The following ADNP2 variants were observed in gnomAD, a reference collection of about 807,000 sequenced individuals.
ADNP2 encodes the protein ADNP homeobox 2, also known as activity-dependent neuroprotector homeobox protein 2.
In ADNP2, 8 loss-of-function variants were observed where a neutral mutation model predicts 16.4. That is an observed-to-expected ratio of 0.49 (90% CI 0.29 to 0.88). The LOEUF (loss-of-function observed/expected upper bound fraction) is 0.88. ADNP2 is among the 40% of genes least tolerant of loss of function. The pLI, the probability that ADNP2 is intolerant of heterozygous loss-of-function variation, is 0.09. For synonymous variants in ADNP2, 637 were observed against 545.8 expected (o/e 1.17, Z -2.33); for missense variants, 1,397 against 1,395.1 (o/e 1.00, Z -0.02).
chr18:80,121,551 A>G (rs2052424990), intron 2 of ADNP2, among the ~76,000 whole-genome samples: 1 of 152,168 alleles, frequency 6.6e-6, no homozygotes, highest in South Asian at 2.1e-4. Context: ...AGTCCAATTT[A>G]TCTATTTTTT....
rs899984768 is a variant in ADNP2, at chr18:80,133,077, C to A, written c.109-26C>A. 3.5e-6 allele frequency: 5 copies of A among 1,441,554 alleles called. No individual in the cohort carries two copies. In the African/African-American group the frequency reaches 7.1e-5, roughly 21 times the overall value. 89.3% of individuals were successfully genotyped at this position (1,441,554 alleles called of 1,614,324 possible). A position where few individuals can be genotyped will look rare whatever the true frequency, so the allele number is the denominator to read the frequency against. ...TCTTTATCTTCTGAATTTACATAATCTCTTTTTTTTCTCCCTTTTTAAAAG... is the reference window on the plus strand; with the variant it reads ...TCTTTATCTTCTGAATTTACATAATATCTTTTTTTTCTCCCTTTTTAAAAG... On this transcript the variant is annotated intron_variant, in intron 2 of 3. Transcript: ENST00000262198.
chr18:80,138,961 T>G lies in ADNP2; in HGVS notation c.*152T>G. 3 of 604,276 alleles carry G rather than the reference T, an allele frequency of 5.0e-6. No individual in the cohort carries two copies. The highest frequency in any genetic ancestry group is 5.1e-6 in the Non-Finnish European group (2 of 391,374). 37.4% of individuals were successfully genotyped at this position (604,276 alleles called of 1,614,324 possible). A position where few individuals can be genotyped will look rare whatever the true frequency, so the allele number is the denominator to read the frequency against. ...TTACTTCAGGTGCTGGAGAGACCCC[T>G]GTTACCAGGAAGCCAGTAGTTATTT... On this transcript the variant is annotated 3_prime_UTR_variant, in exon 4 of 4. Transcript: ENST00000262198.
intron 1 of ADNP2, among the ~76,000 whole-genome samples, chr18:80,116,516 A>G (rs560164320): frequency 1.9e-4 from 28 of 150,158 alleles, no homozygotes; most frequent in African/African-American, 6.6e-4. Context: ...GAGAGTTCCA[A>G]TTTCTCCACG....
At chr18:80,129,126 T>G (rs2052479943) in intron 2 of ADNP2, among the ~76,000 whole-genome samples, 1 of 141,574 alleles carries the variant, frequency 7.1e-6, no homozygotes, top group Non-Finnish European at 1.5e-5. Context: ...TTTTTTGAGA[T>G]GGGGTCTCGC....
chr18:80,112,750 A>G (rs2052365796), intron 1 of ADNP2, among the ~76,000 whole-genome samples: 1 of 152,112 alleles, frequency 6.6e-6, no homozygotes. Context: ...CCAATCCCCA[A>G]TCACTCTGCT....
chr18:80,133,092 C>A lies in ADNP2; in HGVS notation c.109-11C>A. On this transcript the variant is annotated splice_polypyrimidine_tract_variant and intron_variant, in intron 2 of 3. Transcript: ENST00000262198. ...TTTACATAATCTCTTTTTTTTCTCC[C>A]TTTTTAAAAGGACCTTAAAGGCTTT... 6.4e-7 allele frequency: 1 copy of A among 1,560,224 alleles called. No homozygotes were observed. Among genetic ancestry groups the A allele is most frequent in the South Asian group, 1.2e-5 (1 of 85,070 alleles).
intron 1 of ADNP2, among the ~76,000 whole-genome samples, chr18:80,114,946 A>T (rs930332655): frequency 1.3e-5 from 2 of 152,134 alleles, no homozygotes; most frequent in Non-Finnish European, 2.9e-5. Context: ...GATTCTGGGC[A>T]TGATCATCCT....
Position 80,129,802 on chromosome 18 carries a change from C to T in ADNP2, c.109-3301C>T, listed in dbSNP as rs1049413914. On this transcript the variant is annotated intron_variant, in intron 2 of 3. Coordinates refer to ENST00000262198, the MANE Select transcript of ADNP2 (RefSeq NM_014913.4). Reference sequence around the variant, plus strand: ...GACTGGAATGCAATGCATTTAACACCTGTTGATGATCCTGGTCCTAGATGG... The same window carrying T: ...GACTGGAATGCAATGCATTTAACACTTGTTGATGATCCTGGTCCTAGATGG... Among the ~76,000 whole-genome samples, 3 of 152,188 alleles carry T rather than the reference C, an allele frequency of 2.0e-5. No individual in the cohort carries two copies. The South Asian group carries it at 6.2e-4, about 31-fold the overall frequency.
intron 2 of ADNP2, among the ~76,000 whole-genome samples, chr18:80,118,011 C>A (rs1018957132): frequency 6.6e-6 from 1 of 151,852 alleles, no homozygotes; most frequent in African/African-American, 2.4e-5. Flanking sequence ...TTTTTTTAAT[C>A]CTGATTTGTG....
rs367638805 is a variant in ADNP2, at chr18:80,114,499, T to C, written c.-13-3031T>C. The stretch of plus-strand genomic sequence containing the variant: ...GTATAGTACAAATAACTTTTTTCCC[T>C]GAATCACTTGAGAATAAGTTGCCAA... On this transcript the variant is annotated intron_variant, in intron 1 of 3. Transcript: ENST00000262198. Among the ~76,000 whole-genome samples, 13 of 152,300 alleles carry C rather than the reference T, an allele frequency of 8.5e-5. No homozygotes were observed. In the East Asian group the frequency reaches 2.3e-3, roughly 27 times the overall value.
rs61146869 is a variant in ADNP2, at chr18:80,116,111, A to G, written c.-13-1419A>G. On this transcript the variant is annotated intron_variant, in intron 1 of 3. Coordinates refer to ENST00000262198, the MANE Select transcript of ADNP2 (RefSeq NM_014913.4). ...TTTGCCTGTTCTGGACACTTCACAT[A>G]AATAGAATCATACAATATGTGGTCC... Among the ~76,000 whole-genome samples the G allele has an allele frequency of 5.0e-3, 756 of 152,296 alleles. 7 individuals carry two copies. The highest frequency in any genetic ancestry group is 0.017 in the African/African-American group (715 of 41,546).
At chr18:80,116,936 T>C (rs1451185586) in intron 1 of ADNP2, among the ~76,000 whole-genome samples, 2 of 152,236 alleles carry the variant, frequency 1.3e-5, no homozygotes, top group Admixed American at 1.3e-4. Flanking sequence ...TGAGCCACTG[T>C]TCCCTGCCTG....
At chr18:80,112,261 A>G (rs2052362449) in intron 1 of ADNP2, among the ~76,000 whole-genome samples, 1 of 152,190 alleles carries the variant, frequency 6.6e-6, no homozygotes, top group East Asian at 1.9e-4. Flanking sequence ...TTATGCTATA[A>G]GAATGGATCT....
chr18:80,132,127 C>A (rs2052501044), intron 2 of ADNP2, among the ~76,000 whole-genome samples: 1 of 152,108 alleles, frequency 6.6e-6, no homozygotes, highest in Non-Finnish European at 1.5e-5. Context: ...GTTGGGAGGT[C>A]TCCTCTGTTT....
chr18:80,127,955 G>GA (rs1428496017), intron 2 of ADNP2, among the ~76,000 whole-genome samples: 2 of 152,258 alleles, frequency 1.3e-5, no homozygotes, highest in African/African-American at 4.8e-5. Flanking sequence ...TCAGTGCTCA[G>GA]AAAAAGTCTT....
At position 80,136,356 on chromosome 18, in the gene ADNP2, G is replaced by T. The variant is rs749729433; in HGVS notation, c.943G>T (p.Ala315Ser). 16 of 1,614,216 alleles carry T rather than the reference G, an allele frequency of 9.9e-6. No homozygotes were observed. Among genetic ancestry groups the T allele is most frequent in the Non-Finnish European group, 1.4e-5 (16 of 1,180,032 alleles). ...ACAGCCAGTGACTGTGGCCCAGGGT[G>T]CCCCTGGAAGCCTCACTCATTCCCC... Reference protein sequence around the residue: ...AGQPVTVAQGAPGSLTHSPPA... With the variant: ...AGQPVTVAQGSPGSLTHSPPA... Residue 315 changes from alanine (A) to serine (S), a missense_variant, in exon 4 of 4, where the codon GCC becomes TCC. By Grantham distance (99) the Ala-to-Ser change is moderately conservative. Around this residue, in one of 3 missense-constraint regions of ADNP2, gnomAD observed 777 missense variants for 719.4 expected, o/e 1.08. Transcript: ENST00000262198.
In ADNP2 at chr18:80,137,343, C is replaced by T. The variant is rs747257329; in HGVS notation, c.1930C>T (p.Leu644=). Residue 644 remains leucine, a synonymous_variant, in exon 4 of 4, where the codon CTG becomes TTG. Transcript: ENST00000262198. This position sits in a 1 kb window ranked among gnomAD's most constrained non-coding sequence, Gnocchi z 4.2. Reference sequence around the variant, plus strand: ...TCCGCCCCAGATGCCCATCCAGCTCCTGCCGTCAGGTGCAGCTGCACCAAT... The same window carrying T: ...TCCGCCCCAGATGCCCATCCAGCTCTTGCCGTCAGGTGCAGCTGCACCAAT... ...VAPPQMPIQL[L]PSGAAAPMAG... 6.2e-6 allele frequency: 10 copies of T among 1,614,044 alleles called. No homozygotes were observed. The highest frequency in any genetic ancestry group is 3.3e-5 in the Admixed American group (2 of 60,002).
intron 1 of ADNP2, 88 bp from the exon 2 acceptor site, chr18:80,117,442 C>T (rs2052396480): frequency 1.4e-6 from 1 of 707,504 alleles, no homozygotes; most frequent in Admixed American, 3.6e-5. Flanking sequence ...ATACTCTATT[C>T]CTAGTGTTTT....
In ADNP2 at chr18:80,138,517, C is replaced by A; in HGVS notation, c.3104C>A (p.Ala1035Asp). 6.2e-7 allele frequency: 1 copy of A among 1,614,042 alleles called. No individual in the cohort carries two copies. The highest frequency in any genetic ancestry group is 8.5e-7 in the Non-Finnish European group (1 of 1,180,026). ...GAGGGACCTATTGTCAAGGACGAGG[C>A]TCTTCAGATTTTAGCATTAGATCCT... ...RTEGPIVKDE[A>D]LQILALDPKK... The change falls in exon 4 of 4, where the codon GCT (alanine) becomes GAT (aspartate). Residue 1035 changes from alanine (A) to aspartate (D), a missense_variant. Physicochemically the swap from Ala to Asp is moderately radical, Grantham distance 126 (BLOSUM62 -2). Transcript: ENST00000262198.
Sources: gnomAD v4.1 joint callset for allele counts (sites outside exome capture counted in the v4.1 genomes callset) on GRCh38, gnomAD v4.1.1 for gene constraint, gnomAD v4.1.1 regional missense constraint, Gnocchi (gnomAD v3.1) non-coding constraint, MANE v1.5 for transcripts, NCBI Gene and HGNC (gene_info 2026-07-23, HGNC 2026-07-21) for gene names.